The following SLC44A1 variants were observed in gnomAD, a reference collection of about 807,000 sequenced individuals.
The protein encoded by SLC44A1 is solute carrier family 44 member 1.
SLC44A1 carries 26 observed loss-of-function variants against 79.3 expected under a neutral mutation model. That is an observed-to-expected ratio of 0.33 (90% CI 0.24 to 0.46). The LOEUF is 0.46. Ranked by LOEUF, SLC44A1 falls within the 20% of genes least tolerant of loss-of-function variation. SLC44A1 has a pLI of 1.00. For missense variants in SLC44A1, 688 were observed against 798.1 expected (o/e 0.86, Z 1.66); for synonymous variants, 263 against 286.2 (o/e 0.92, Z 0.82).
intron 15 of SLC44A1, among the ~76,000 whole-genome samples, chr9:105,420,698 C>G (rs1269428929): frequency 6.6e-6 from 1 of 151,760 alleles, no homozygotes; most frequent in Non-Finnish European, 1.5e-5. Context: ...CCCCTCTCTA[C>G]TAAAAATACA....
chr9:105,260,964 GA>G (rs1829825646), intron 1 of SLC44A1, among the ~76,000 whole-genome samples: 1 of 152,208 alleles, frequency 6.6e-6, no homozygotes, highest in Non-Finnish European at 1.5e-5. Flanking sequence ...ATGGAACAGG[GA>G]TGGAGTATTC....
chr9:105,310,166 C>T (rs779408132), intron 3 of SLC44A1, among the ~76,000 whole-genome samples: 85 of 151,742 alleles, frequency 5.6e-4, no homozygotes, highest in Admixed American at 2.5e-3. Flanking sequence ...TTTCTTTAGC[C>T]TTTAAGTTAT....
intron 1 of SLC44A1, among the ~76,000 whole-genome samples, chr9:105,252,518 G>C (rs897011603): frequency 6.6e-6 from 1 of 152,138 alleles, no homozygotes; most frequent in Non-Finnish European, 1.5e-5. Flanking sequence ...CAGCTTGTCT[G>C]TTGAAGGTAT....
At chr9:105,314,690 A>C (rs1210547024) in intron 3 of SLC44A1, among the ~76,000 whole-genome samples, 1 of 152,186 alleles carries the variant, frequency 6.6e-6, no homozygotes, top group Non-Finnish European at 1.5e-5. Context: ...GTTGTAAAGA[A>C]CTAGAGGTCT....
chr9:105,427,681 T>C (rs532820939), intron 15 of SLC44A1, among the ~76,000 whole-genome samples: 2 of 152,334 alleles, frequency 1.3e-5, no homozygotes, highest in South Asian at 4.1e-4. Context: ...TTCTTTCCTT[T>C]AGATAGACTT....
chr9:105,361,881 T>C (rs1405558672), intron 8 of SLC44A1, among the ~76,000 whole-genome samples: 1 of 152,150 alleles, frequency 6.6e-6, no homozygotes, highest in Non-Finnish European at 1.5e-5. Flanking sequence ...AGTGAGACCC[T>C]GTCTTCACAA....
intron 3 of SLC44A1, among the ~76,000 whole-genome samples, chr9:105,326,525 C>A (rs1485857208): frequency 6.6e-6 from 1 of 152,182 alleles, no homozygotes; most frequent in African/African-American, 2.4e-5. Flanking sequence ...GGAGTCTTCC[C>A]CCGTGCTTTT....
At chr9:105,434,039 A>G (rs567793328) in intron 15 of SLC44A1, among the ~76,000 whole-genome samples, 30 of 152,276 alleles carry the variant, frequency 2.0e-4, no homozygotes, top group Non-Finnish European at 3.4e-4. Context: ...TTGTAATAAA[A>G]AAACTAGTTT....
At chr9:105,405,312 C>T (rs1829015909) in intron 15 of SLC44A1, among the ~76,000 whole-genome samples, 1 of 149,464 alleles carries the variant, frequency 6.7e-6, no homozygotes, top group Admixed American at 6.7e-5. Context: ...CAGAGCAAGA[C>T]TCCATTTAAA....
intron 15 of SLC44A1, among the ~76,000 whole-genome samples, chr9:105,405,229 G>A (rs1307499111): frequency 6.6e-6 from 1 of 151,998 alleles, no homozygotes; most frequent in Non-Finnish European, 1.5e-5. Context: ...GCTGAGGCAG[G>A]AGAATCTCTT....
rs1564455621 is a variant in SLC44A1, at chr9:105,356,231, C to T, written c.520C>T (p.His174Tyr). ...CACCAGTGCACCTATTCCATTCTTCCATCGCTGTGCTCCTGTGAACATTTC... is the reference window on the plus strand; with the variant it reads ...CACCAGTGCACCTATTCCATTCTTCTATCGCTGTGCTCCTGTGAACATTTC... The part of the protein sequence containing the change: ...VPASAPIPFF[H>Y]RCAPVNISCY... Residue 174 changes from histidine (H) to tyrosine (Y), a missense_variant, in exon 6 of 16, where the codon CAT (histidine) becomes TAT (tyrosine). Physicochemically the swap from His to Tyr is moderately conservative, Grantham distance 83. Transcript: ENST00000374720. The T allele has an allele frequency of 6.2e-7, 1 of 1,612,768 alleles. No homozygotes were observed. Among genetic ancestry groups the T allele is most frequent in the South Asian group, 1.1e-5 (1 of 90,858 alleles).
intron 1 of SLC44A1, among the ~76,000 whole-genome samples, chr9:105,250,571 A>C (rs1397880498): frequency 6.6e-6 from 1 of 152,212 alleles, no homozygotes; most frequent in Non-Finnish European, 1.5e-5. Flanking sequence ...TATGAGATAA[A>C]CCTACTATCA....
chr9:105,435,163 CA>C (rs77661811), intron 15 of SLC44A1, among the ~76,000 whole-genome samples: 1,419 of 130,362 alleles, frequency 0.011, 6 homozygotes, highest in Non-Finnish European at 0.014. Context: ...CAAAACAAAA[CA>C]AAAAAAAAAA....
intron 15 of SLC44A1, among the ~76,000 whole-genome samples, chr9:105,428,154 C>T (rs1295581063): frequency 6.6e-6 from 1 of 152,020 alleles, no homozygotes; most frequent in African/African-American, 2.4e-5. Context: ...TTGATAATTT[C>T]CTTAAGCCCC....
In SLC44A1 at chr9:105,292,719, T is replaced by A. The variant is rs563070399; in HGVS notation, c.37-6501T>A. Among the ~76,000 whole-genome samples, 5 of 152,334 alleles carry A rather than the reference T, an allele frequency of 3.3e-5. No homozygotes were observed. In the East Asian group the frequency reaches 9.6e-4, roughly 29 times the overall value. On this transcript the variant is annotated intron_variant, in intron 1 of 15. Coordinates refer to ENST00000374720, the MANE Select transcript of SLC44A1 (RefSeq NM_080546.5). Reference sequence around the variant, plus strand: ...ATGTTCCCCATGTCTATTCCTGCAGTACCTTTTCTGTCTCTATCTTGGCAA... The same window carrying A: ...ATGTTCCCCATGTCTATTCCTGCAGAACCTTTTCTGTCTCTATCTTGGCAA...
intron 3 of SLC44A1, among the ~76,000 whole-genome samples, chr9:105,321,158 A>T (rs925796477): frequency 6.0e-5 from 9 of 151,222 alleles, no homozygotes; most frequent in Non-Finnish European, 1.0e-4. Flanking sequence ...ATTCACAATG[A>T]TTTTTTTTTG....
intron 1 of SLC44A1, among the ~76,000 whole-genome samples, chr9:105,296,281 T>A (rs382940): frequency 0.17 from 25,469 of 151,982 alleles, 3,214 homozygotes; most frequent in African/African-American, 0.35. Flanking sequence ...TCTGTCAGTA[T>A]TTTTTATATG....
At chr9:105,333,287 G>T (rs1315501557) in intron 3 of SLC44A1, among the ~76,000 whole-genome samples, 1 of 151,944 alleles carries the variant, frequency 6.6e-6, no homozygotes, top group South Asian at 2.1e-4. Flanking sequence ...ACTGTGATGT[G>T]ATTTCCCCAG....
chr9:105,404,724 G>A (rs1190980732), intron 15 of SLC44A1, among the ~76,000 whole-genome samples: 1 of 152,202 alleles, frequency 6.6e-6, no homozygotes, highest in Non-Finnish European at 1.5e-5. Flanking sequence ...AAAGGAGACA[G>A]CATCGTATAA....
Sources: allele counts gnomAD v4.1 joint callset (sites outside exome capture counted in the v4.1 genomes callset), GRCh38; gene constraint gnomAD v4.1.1; transcripts MANE v1.5; gene names NCBI Gene and HGNC (gene_info 2026-07-23, HGNC 2026-07-21).